The following GRIN3A variants were observed in gnomAD, a reference collection of about 807,000 sequenced individuals.
GRIN3A encodes glutamate ionotropic receptor NMDA type subunit 3A.
In GRIN3A, 47 loss-of-function variants were observed where a neutral mutation model predicts 92.4. The ratio of observed to expected loss-of-function variants is 0.51; its 90% CI spans 0.40 to 0.65. GRIN3A has a LOEUF of 0.65. Among genes scored for constraint, GRIN3A ranks in the 30% least tolerant of loss-of-function variants. The pLI is 0.00. For synonymous variants in GRIN3A, 527 were observed against 540.6 expected, an observed-to-expected ratio of 0.97 and a Z score of 0.35; for missense variants, 1,324 against 1,393.1, an observed-to-expected ratio of 0.95 and a Z score of 0.79.
rs1564156167 is a variant in GRIN3A at position 101,737,800 on chromosome 9, G to GAA, written c.179_180insTT (p.Ala61SerfsTer76). The GAA allele has an allele frequency of 6.5e-7, 1 of 1,530,502 alleles. No homozygotes were observed. Among genetic ancestry groups the GAA allele is most frequent in the Non-Finnish European group, 8.7e-7 (1 of 1,144,730 alleles). The allele number at this position is 1,530,502 out of a possible 1,614,324, so 94.8% of individuals were successfully genotyped here. A position where few individuals can be genotyped will look rare whatever the true frequency, so the allele number is the denominator to read the frequency against. ...GAGCGCGGCTGGCCGCGCGGGGGGC[G>GAA]GTGGTCCAGGGCTGCAAGTGCACCG... On this transcript the variant is annotated frameshift_variant, in exon 1 of 9. Coordinates refer to ENST00000361820, the MANE Select transcript of GRIN3A (RefSeq NM_133445.3). LOFTEE classifies it high-confidence loss of function.
At chr9:101,590,205 G>A (rs1393047306) in intron 6 of GRIN3A, among the ~76,000 whole-genome samples, 3 of 152,086 alleles carry the variant, frequency 2.0e-5, no homozygotes, top group Admixed American at 6.5e-5. Context: ...TTTTCATTAT[G>A]AATCAGCTAA....
At chr9:101,627,632 G>C (rs947539589) in intron 4 of GRIN3A, among the ~76,000 whole-genome samples, 5 of 152,092 alleles carry the variant, frequency 3.3e-5, no homozygotes, top group African/African-American at 9.7e-5. Context: ...AGACTAGACA[G>C]AACAGACCCA....
intron 6 of GRIN3A, among the ~76,000 whole-genome samples, chr9:101,600,167 A>C (rs1226079035): frequency 6.6e-6 from 1 of 152,236 alleles, no homozygotes; most frequent in African/African-American, 2.4e-5. Context: ...TCAGGATTAA[A>C]TGAGATAGAT....
At chr9:101,607,282 A>G (rs1828299593) in intron 6 of GRIN3A, among the ~76,000 whole-genome samples, 1 of 152,166 alleles carries the variant, frequency 6.6e-6, no homozygotes, top group African/African-American at 2.4e-5. Flanking sequence ...TCCAACTGCT[A>G]GAAATGGGGG....
intron 6 of GRIN3A, among the ~76,000 whole-genome samples, chr9:101,584,853 G>C (rs1450543064): frequency 6.6e-6 from 1 of 152,166 alleles, no homozygotes; most frequent in Non-Finnish European, 1.5e-5. Flanking sequence ...CTGACAGCTG[G>C]CTCGAGTAGT....
intron 2 of GRIN3A, among the ~76,000 whole-genome samples, chr9:101,684,682 C>T (rs1026504200): frequency 3.3e-5 from 5 of 152,066 alleles, no homozygotes; most frequent in African/African-American, 7.2e-5. Flanking sequence ...TAAAATGAGA[C>T]CCTAAGGTAT....
chr9:101,692,594 AG>A (rs1164601021), intron 1 of GRIN3A, among the ~76,000 whole-genome samples: 1 of 152,192 alleles, frequency 6.6e-6, no homozygotes, highest in Non-Finnish European at 1.5e-5. Flanking sequence ...AAGCCCAAAA[AG>A]CTCAAGTGAA....
At chr9:101,700,647 T>C (rs1261565691) in intron 1 of GRIN3A, among the ~76,000 whole-genome samples, 2 of 152,174 alleles carry the variant, frequency 1.3e-5, no homozygotes, top group African/African-American at 4.8e-5. Flanking sequence ...ATAGAATTTG[T>C]TTAAATGCTC....
chr9:101,616,782 C>T (rs1039161431), intron 5 of GRIN3A, among the ~76,000 whole-genome samples: 2 of 147,248 alleles, frequency 1.4e-5, no homozygotes, highest in African/African-American at 2.5e-5. Flanking sequence ...GGGAGATATA[C>T]CTAATGCTAG....
intron 3 of GRIN3A, among the ~76,000 whole-genome samples, chr9:101,632,060 G>A (rs964362435): frequency 4.6e-5 from 7 of 152,042 alleles, no homozygotes; most frequent in Non-Finnish European, 8.8e-5. Flanking sequence ...TAGCCTTGTC[G>A]TCCTGCTCTC....
chr9:101,688,812 G>C (rs542730672), intron 1 of GRIN3A, among the ~76,000 whole-genome samples: 2 of 152,182 alleles, frequency 1.3e-5, no homozygotes, highest in African/African-American at 4.8e-5. Flanking sequence ...AGGTTGCAGT[G>C]AGCCAAAATT....
chr9:101,634,441 T>G (rs1389920578), intron 3 of GRIN3A, among the ~76,000 whole-genome samples: 1 of 150,636 alleles, frequency 6.6e-6, no homozygotes, highest in African/African-American at 2.4e-5. Context: ...GAATATATAA[T>G]AATAATAAAA....
At chr9:101,646,482 G>A (rs1828939858) in intron 3 of GRIN3A, among the ~76,000 whole-genome samples, 1 of 151,956 alleles carries the variant, frequency 6.6e-6, no homozygotes, top group African/African-American at 2.4e-5. Context: ...TTTTGCTTAG[G>A]ATTGCTTTAG....
chr9:101,589,707 T>C (rs1337549898), intron 6 of GRIN3A, among the ~76,000 whole-genome samples: 1 of 152,220 alleles, frequency 6.6e-6, no homozygotes, highest in African/African-American at 2.4e-5. Context: ...TTTTATTATA[T>C]AAAAGTTTGA....
At chr9:101,613,871 C>T (rs1485630982) in intron 5 of GRIN3A, among the ~76,000 whole-genome samples, 1 of 152,142 alleles carries the variant, frequency 6.6e-6, no homozygotes, top group Non-Finnish European at 1.5e-5. Flanking sequence ...CTTCCAGAAC[C>T]CCTCTTCTGA....
rs1232803752 is a variant in GRIN3A at position 101,738,148 on chromosome 9, G to A, written c.-169C>T. ...TAGGCCATGCAAGTTGGAGCGTAGC[G>A]CGCCTCCGGCAGTCTCAGATCCCGC... On this transcript the variant is annotated 5_prime_UTR_variant, in exon 1 of 9. Transcript: ENST00000361820. 2 of 686,812 alleles carry A rather than the reference G, an allele frequency of 2.9e-6. No individual in the cohort carries two copies. The highest frequency in any genetic ancestry group is 1.8e-5 in the African/African-American group (1 of 56,714). 42.5% of individuals were successfully genotyped at this position (686,812 alleles called of 1,614,324 possible). A position where few individuals can be genotyped will look rare whatever the true frequency, so the allele number is the denominator to read the frequency against.
intron 1 of GRIN3A, among the ~76,000 whole-genome samples, chr9:101,689,206 T>G (rs1438001679): frequency 1.3e-5 from 2 of 152,170 alleles, no homozygotes; most frequent in Non-Finnish European, 2.9e-5. Flanking sequence ...CAGGAACAAA[T>G]TATTCCTAAG....
intron 7 of GRIN3A, 93 bp from the exon 8 acceptor site, chr9:101,577,937 C>T (rs1298193934): frequency 5.6e-6 from 5 of 892,346 alleles, no homozygotes; most frequent in East Asian, 4.9e-5. Flanking sequence ...TATATGTAGT[C>T]GTTACAAACC....
At chr9:101,695,350 G>T (rs2506357) in intron 1 of GRIN3A, among the ~76,000 whole-genome samples, 120,210 of 152,056 alleles carry the variant, frequency 0.79, 47,987 homozygotes, top group African/African-American at 0.87. Flanking sequence ...AAAATCTAGG[G>T]GGCAGTATTA....
Sources: allele counts gnomAD v4.1 joint callset (sites outside exome capture counted in the v4.1 genomes callset), GRCh38; gene constraint gnomAD v4.1.1; transcripts MANE v1.5; gene names NCBI Gene and HGNC (gene_info 2026-07-23, HGNC 2026-07-21).